Variants in CRNN observed in about 807,000 individuals in gnomAD.
CRNN encodes cornulin.
In CRNN, 39 loss-of-function variants were observed where a neutral mutation model predicts 44.7. The observed-to-expected ratio is 0.87, with a 90% CI of 0.68 to 1.14. CRNN has a LOEUF of 1.14. CRNN is among the 50% of genes most tolerant of loss of function. The pLI, the probability that CRNN is intolerant of heterozygous loss-of-function variation, is 0.00. For missense variants in CRNN, 606 were observed against 605.1 expected (o/e 1.00, Z -0.02); for synonymous variants, 240 against 231.8 (o/e 1.04, Z -0.32).
At chr1:152,411,092 T>G (rs973816079) in intron 2 of CRNN, 149 bp from the exon 3 acceptor site, 3 of 1,363,104 alleles carry the variant, frequency 2.2e-6, no homozygotes, top group Non-Finnish European at 2.8e-6. Context: ...TTGCCTTTAT[T>G]TTTTTTTAGT....
rs1005644332 is a variant in CRNN at position 152,410,281 on chromosome 1, C to T, written c.801G>A (p.Gly267=). 2.5e-6 allele frequency: 4 copies of T among 1,613,900 alleles called. No homozygotes were observed. Among genetic ancestry groups the T allele is most frequent in the Non-Finnish European group, 3.4e-6 (4 of 1,179,964 alleles). Residue 267 remains glycine, a synonymous_variant, in exon 3 of 3, where the codon GGG becomes GGA. Coordinates refer to ENST00000271835, the MANE Select transcript of CRNN (RefSeq NM_016190.3). ...TQEATNDQNR[G]TETHGQGRSQ... ...TCCTGCCTTGACCGTGGGTCTCAGTCCCTCTGTTCTGGTCATTGGTGGCCT... is the reference window on the plus strand; with the variant it reads ...TCCTGCCTTGACCGTGGGTCTCAGTTCCTCTGTTCTGGTCATTGGTGGCCT...
At chr1:152,411,070 A>C in intron 2 of CRNN, 127 bp from the exon 3 acceptor site, 1 of 1,410,288 alleles carries the variant, frequency 7.1e-7, no homozygotes, top group Non-Finnish European at 9.2e-7. Context: ...CTAGAGCAGC[A>C]GCAAGACTTA....
At chr1:152,411,852 T>C (rs905341530) in intron 2 of CRNN, among the ~76,000 whole-genome samples, 1 of 152,220 alleles carries the variant, frequency 6.6e-6, no homozygotes, top group Non-Finnish European at 1.5e-5. Context: ...TAGAGCCCTT[T>C]TACCTTGTCT....
At position 152,410,566 on chromosome 1, in the gene CRNN, C is replaced by T. The variant is rs1315229504; in HGVS notation, c.516G>A (p.Glu172=). ...AWVSSYDRQA[E]SQSQERISPQ... ...GGCTTATTCTTTCCTGGCTCTGGGA[C>T]TCAGCTTGCCTGTCATAGCTGCTGA... is the stretch of plus-strand genomic sequence containing the variant. The change falls in exon 3 of 3, where the codon GAG becomes GAA. Residue 172 remains glutamate (E), a synonymous_variant. Transcript: ENST00000271835. The T allele has an allele frequency of 3.1e-6, 5 of 1,614,038 alleles. No homozygotes were observed. Among genetic ancestry groups the T allele is most frequent in the African/African-American group, 2.7e-5 (2 of 74,918 alleles).
Position 152,409,779 on chromosome 1 carries a change from GCTGT to G in CRNN, c.1299_1302del (p.Arg433SerfsTer18), listed in dbSNP as rs962510991. 1.2e-6 allele frequency: 2 copies of G among 1,614,062 alleles called. No homozygotes were observed. The highest frequency in any genetic ancestry group is 2.7e-5 in the African/African-American group (2 of 74,924). ...ACCCATTCCTCACCAACCACTGTGG[GCTGT>G]CTGTCTCCCTGCCCTTCTGTCACAC... is the stretch of plus-strand genomic sequence containing the variant. On this transcript the variant is annotated frameshift_variant, in exon 3 of 3. Coordinates refer to ENST00000271835, the MANE Select transcript of CRNN (RefSeq NM_016190.3). LOFTEE classifies it high-confidence loss of function.
chr1:152,410,401 C>T lies in CRNN; in HGVS notation c.681G>A (p.Val227=). 6.2e-7 allele frequency: 1 copy of T among 1,614,112 alleles called. No homozygotes were observed. The highest frequency in any genetic ancestry group is 8.5e-7 in the Non-Finnish European group (1 of 1,180,008). ...CCTGGGTCTGAGTTCCAGATCCAGTCACAGTCTCACCTGTCTGGTGGGCTC... is the reference window on the plus strand; with the variant it reads ...CCTGGGTCTGAGTTCCAGATCCAGTTACAGTCTCACCTGTCTGGTGGGCTC... The part of the protein sequence containing the change: ...QDRAHQTGET[V]TGSGTQTQAG... Residue 227 remains valine (V), a synonymous_variant, in exon 3 of 3, where the codon GTG becomes GTA. Coordinates refer to ENST00000271835, the MANE Select transcript of CRNN (RefSeq NM_016190.3).
At position 152,410,361 on chromosome 1, in the gene CRNN, T is replaced by A; in HGVS notation, c.721A>T (p.Thr241Ser). The A allele has an allele frequency of 6.2e-7, 1 of 1,614,126 alleles. No homozygotes were observed. Among genetic ancestry groups the A allele is most frequent in the South Asian group, 1.1e-5 (1 of 91,072 alleles). Reference protein sequence around the residue: ...GTQTQAGATQTVEQDSSHQTG... With the variant: ...GTQTQAGATQSVEQDSSHQTG... ...TGGTGGCTGCTGTCCTGCTCCACAG[T>A]CTGGGTGGCACCTGCCTGGGTCTGA... The change falls in exon 3 of 3, where the codon ACT becomes TCT. Residue 241 changes from threonine to serine, a missense_variant. Thr to Ser is a moderately conservative substitution (Grantham distance 58, BLOSUM62 1). Transcript: ENST00000271835.
In CRNN at chr1:152,410,133, T is replaced by A. The variant is rs777763413; in HGVS notation, c.949A>T (p.Thr317Ser). 1.2e-6 allele frequency: 2 copies of A among 1,613,510 alleles called. No homozygotes were observed. Among genetic ancestry groups the A allele is most frequent in the Non-Finnish European group, 1.7e-6 (2 of 1,179,882 alleles). The change falls in exon 3 of 3, where the codon ACA (threonine) becomes TCA (serine). Residue 317 changes from threonine (T) to serine (S), a missense_variant. Physicochemically the swap from Thr to Ser is moderately conservative, Grantham distance 58. Coordinates refer to ENST00000271835, the MANE Select transcript of CRNN (RefSeq NM_016190.3). ...TTCTGGCCATTGGTGGACTCCTGTGTCTGGGTGCTGGTGCTTCCTGTCTGG... is the reference window on the plus strand; with the variant it reads ...TTCTGGCCATTGGTGGACTCCTGTGACTGGGTGCTGGTGCTTCCTGTCTGG... The part of the protein sequence containing the change: ...SHQTGSTSTQ[T>S]QESTNGQNRG...
intron 1 of CRNN, among the ~76,000 whole-genome samples, chr1:152,413,419 C>T (rs566343689): frequency 4.1e-4 from 62 of 152,178 alleles, no homozygotes; most frequent in Non-Finnish European, 7.6e-4. Flanking sequence ...CCTGTAGCAG[C>T]TGGAAAGCCA....
chr1:152,409,696 G>A lies in CRNN; in HGVS notation c.1386C>T (p.Thr462=), dbSNP rs886998963. The A allele has an allele frequency of 6.2e-7, 1 of 1,614,052 alleles. No homozygotes were observed. The highest frequency in any genetic ancestry group is 2.2e-5 in the East Asian group (1 of 44,886). ...CCTGGCCCTGTGCTGAGGAAACACTGGTATGCAAGTTGCCCTGGTCCAGCC... is the reference window on the plus strand; with the variant it reads ...CCTGGCCCTGTGCTGAGGAAACACTAGTATGCAAGTTGCCCTGGTCCAGCC... The part of the protein sequence containing the change: ...ILRLDQGNLH[T]SVSSAQGQDA... The change falls in exon 3 of 3, where the codon ACC becomes ACT. Residue 462 remains threonine (T), a synonymous_variant. Coordinates refer to ENST00000271835, the MANE Select transcript of CRNN (RefSeq NM_016190.3).
At position 152,410,899 on chromosome 1, in the gene CRNN, C is replaced by T. The variant is rs1460501699; in HGVS notation, c.183G>A (p.Leu61=). 2 of 1,613,728 alleles carry T rather than the reference C, an allele frequency of 1.2e-6. No individual in the cohort carries two copies. The highest frequency in any genetic ancestry group is 1.7e-6 in the Non-Finnish European group (2 of 1,179,828). ...CCACAGTCCCTGTGTGGTCTTCATC[C>T]AGCAGACGCAGGACCTCATCCACAG... is the stretch of plus-strand genomic sequence containing the variant. ...PATVDEVLRL[L]DEDHTGTVEF... is the part of the protein sequence containing the mutation. The change falls in exon 3 of 3, where the codon CTG becomes CTA. Residue 61 remains leucine, a synonymous_variant. Transcript: ENST00000271835.
chr1:152,411,568 G>A (rs1427965926), intron 2 of CRNN, among the ~76,000 whole-genome samples: 1 of 152,196 alleles, frequency 6.6e-6, no homozygotes, highest in African/African-American at 2.4e-5. Flanking sequence ...GGTTTGCCAG[G>A]TGGGGTGGGG....
chr1:152,412,268 C>T lies in CRNN; in HGVS notation c.-13-22G>A, dbSNP rs370786676. 2.5e-6 allele frequency: 4 copies of T among 1,589,852 alleles called. No individual in the cohort carries two copies. The African/African-American group carries it at 5.4e-5, about 21-fold the overall frequency. ...CAACCTGGAAAAGATGAAAAGTTCCCTTGGAGGCTCCATAATCAACCTCAG... is the reference window on the plus strand; with the variant it reads ...CAACCTGGAAAAGATGAAAAGTTCCTTTGGAGGCTCCATAATCAACCTCAG... On this transcript the variant is annotated intron_variant, in intron 1 of 2. Coordinates refer to ENST00000271835, the MANE Select transcript of CRNN (RefSeq NM_016190.3).
At position 152,412,182 on chromosome 1, in the gene CRNN, A is replaced by G. The variant is rs752717648; in HGVS notation, c.52T>C (p.Tyr18His). 1.2e-6 allele frequency: 2 copies of G among 1,613,608 alleles called. No homozygotes were observed. The highest frequency in any genetic ancestry group is 1.7e-6 in the Non-Finnish European group (2 of 1,179,550). ...INGIIEAFRR[Y>H]ARTEGNCTAL... is the part of the protein sequence containing the mutation. ...GTGCAGTTGCCCTCCGTCCTTGCATAGCGCCTGAAGGCCTCGATGATCCCA... is the reference window on the plus strand; with the variant it reads ...GTGCAGTTGCCCTCCGTCCTTGCATGGCGCCTGAAGGCCTCGATGATCCCA... The change falls in exon 2 of 3, where the codon TAT (tyrosine) becomes CAT (histidine). Residue 18 changes from tyrosine to histidine, a missense_variant. Coordinates refer to ENST00000271835, the MANE Select transcript of CRNN (RefSeq NM_016190.3).
rs139135864 is a variant in CRNN at position 152,412,135 on chromosome 1, C to T, written c.99G>A (p.Leu33=). The T allele has an allele frequency of 4.3e-5, 70 of 1,612,286 alleles. No homozygotes were observed. Among genetic ancestry groups the T allele is most frequent in the Non-Finnish European group, 5.8e-5 (68 of 1,178,658 alleles). Residue 33 remains leucine (L), a synonymous_variant, in exon 2 of 3, where the codon CTG becomes CTA. Transcript: ENST00000271835. ...GNCTALTRGE[L]KRLLEQEFAD... ...CAAACTCTTGCTCCAAGAGTCTTTT[C>T]AGCTCCCCTCGGGTGAGCGCTGTGC...
In CRNN at chr1:152,409,322, C is replaced by G; in HGVS notation, c.*272G>C. On this transcript the variant is annotated 3_prime_UTR_variant, in exon 3 of 3. Transcript: ENST00000271835. ...GTCAGAGATAAAAATAGTCCTGAAA[C>G]CCCCCACAAGATGAGGACAATTCAG... 1 of 459,372 alleles carries G rather than the reference C, an allele frequency of 2.2e-6. No homozygotes were observed. The allele number at this position is 459,372 out of a possible 1,614,324, so 28.5% of individuals were successfully genotyped here. A position where few individuals can be genotyped will look rare whatever the true frequency, so the allele number is the denominator to read the frequency against.
rs376455223 is a variant in CRNN, at chr1:152,412,241, G to A, written c.-8C>T. ...TTGCAGTAACTGAGGCATCTTTGAA[G>A]TCAACCTGGAAAAGATGAAAAGTTC... On this transcript the variant is annotated 5_prime_UTR_variant, in exon 2 of 3. Coordinates refer to ENST00000271835, the MANE Select transcript of CRNN (RefSeq NM_016190.3). 1 of 1,604,228 alleles carries A rather than the reference G, an allele frequency of 6.2e-7. No individual in the cohort carries two copies. Among genetic ancestry groups the A allele is most frequent in the Non-Finnish European group, 8.5e-7 (1 of 1,172,194 alleles).
rs748326738 is a variant in CRNN at position 152,409,647 on chromosome 1, G to A, written c.1435C>T (p.Arg479Ter). ...TACAGCTCTCTAGCTGTGATGCCTC[G>A]CTTCTCTTCTGACTGGGCTGCATCC... ...GQDAAQSEEK[R>*]GITARELYSY... The change falls in exon 3 of 3, where the codon CGA becomes TGA. Residue 479 changes from arginine (R) to a stop codon, truncating the protein, a stop_gained. Coordinates refer to ENST00000271835, the MANE Select transcript of CRNN (RefSeq NM_016190.3). LOFTEE classifies it high-confidence loss of function. 74 of 1,613,962 alleles carry A rather than the reference G, an allele frequency of 4.6e-5. No individual in the cohort carries two copies. The highest frequency in any genetic ancestry group is 5.3e-5 in the African/African-American group (4 of 74,906).
chr1:152,412,113 ACT>A lies in CRNN; in HGVS notation c.119_120del (p.Glu40ValfsTer16), dbSNP rs767794377. ...RGELKRLLEQEFADVIVKPHD... is the reference protein window; with the variant it reads ...RGELKRLLEQXFADVIVKPHD... ...CACCGTACCACAATCACATCGGCAA[ACT>A]CTTGCTCCAAGAGTCTTTTCAGCTC... On this transcript the variant is annotated frameshift_variant, in exon 2 of 3. Coordinates refer to ENST00000271835, the MANE Select transcript of CRNN (RefSeq NM_016190.3). LOFTEE classifies it low-confidence loss of function (END_TRUNC). 1 of 1,607,964 alleles carries A rather than the reference ACT, an allele frequency of 6.2e-7. No homozygotes were observed. Among genetic ancestry groups the A allele is most frequent in the Non-Finnish European group, 8.5e-7 (1 of 1,175,556 alleles).
Sources: allele counts gnomAD v4.1 joint callset (sites outside exome capture counted in the v4.1 genomes callset), GRCh38; gene constraint gnomAD v4.1.1; transcripts MANE v1.5; gene names NCBI Gene and HGNC (gene_info 2026-07-23, HGNC 2026-07-21).